Variants in DDR2 observed in about 807,000 individuals in gnomAD.
The protein encoded by DDR2 is discoidin domain receptor tyrosine kinase 2, also known as discoidin domain-containing receptor 2.
A neutral mutation model predicts 94.9 loss-of-function variants in DDR2; 27 were observed. The ratio of observed to expected loss-of-function variants is 0.28; its 90% CI spans 0.21 to 0.39. DDR2 has a LOEUF of 0.39. DDR2 is among the 10% of genes least tolerant of loss of function. The pLI is 1.00. For missense variants in DDR2, 783 were observed against 1,076.0 expected (o/e 0.73, Z 3.81); for synonymous variants, 382 against 377.2 (o/e 1.01, Z -0.15).
At chr1:162,736,562 T>C (rs952879922) in intron 3 of DDR2, among the ~76,000 whole-genome samples, 1 of 152,230 alleles carries the variant, frequency 6.6e-6, no homozygotes, top group Non-Finnish European at 1.5e-5. Context: ...GCTTATCATA[T>C]TGCCTGACAC....
intron 3 of DDR2, among the ~76,000 whole-genome samples, chr1:162,719,873 A>G (rs770614800): frequency 1.3e-5 from 2 of 151,962 alleles, no homozygotes; most frequent in Non-Finnish European, 2.9e-5. Flanking sequence ...CTATTGGCTC[A>G]TCTAGGATGG....
intron 4 of DDR2, among the ~76,000 whole-genome samples, chr1:162,753,699 G>A (rs995966590): frequency 5.3e-5 from 8 of 152,096 alleles, no homozygotes; most frequent in Admixed American, 6.5e-5. Context: ...TACACAGAAG[G>A]GCCATCCTTG....
chr1:162,748,529 G>C (rs1663007093), intron 3 of DDR2, among the ~76,000 whole-genome samples: 2 of 149,174 alleles, frequency 1.3e-5, no homozygotes. Flanking sequence ...GAAACAAAGA[G>C]ACTTAGACTC....
At chr1:162,646,987 T>A (rs1657443550) in intron 1 of DDR2, among the ~76,000 whole-genome samples, 1 of 152,166 alleles carries the variant, frequency 6.6e-6, no homozygotes, top group Non-Finnish European at 1.5e-5. Context: ...ACTAAATGCT[T>A]GTCAAATAAG....
In DDR2 at chr1:162,773,317, A is replaced by G. The variant is rs79578552; in HGVS notation, c.1729-152A>G. 63,568 of 1,026,810 alleles carry G rather than the reference A, an allele frequency of 0.062. 2,125 individuals are homozygous for G. The highest frequency in any genetic ancestry group is 0.08 in the African/African-American group (4,977 of 62,574). 63.6% of individuals were successfully genotyped at this position (1,026,810 alleles called of 1,614,324 possible). ...GTTTTAAATCTTATCAATTATTTGA[A>G]TCATAGATATGTTACACATATCTTC... On this transcript the variant is annotated intron_variant, in intron 13 of 17. Transcript: ENST00000367921.
intron 16 of DDR2, 79 bp from the exon 17 acceptor site, chr1:162,778,501 G>T: frequency 6.4e-7 from 1 of 1,572,478 alleles, no homozygotes; most frequent in Non-Finnish European, 8.7e-7. Flanking sequence ...AAGGGGTATA[G>T]CTGCAGATTA....
At position 162,717,010 on chromosome 1, in the gene DDR2, G is replaced by A. The variant is rs566099769; in HGVS notation, c.-27-2027G>A. On this transcript the variant is annotated intron_variant, in intron 2 of 17. Transcript: ENST00000367921. ...CTTGCTTGATTATTAGTGTTACTCA[G>A]AGGGAATTTTTTAAAAATCACTTTG... Among the ~76,000 whole-genome samples the A allele has an allele frequency of 1.6e-4, 24 of 151,876 alleles. No individual in the cohort carries two copies. The South Asian group carries it at 5.0e-3, about 32-fold the overall frequency.
chr1:162,776,433 C>T (rs975348552), intron 16 of DDR2, 63 bp downstream of exon 16: 22 of 1,516,836 alleles, frequency 1.5e-5, no homozygotes, highest in Middle Eastern at 1.7e-4. Flanking sequence ...ATGCATGACA[C>T]GTGGAGACAA....
In DDR2 at chr1:162,746,330, C is replaced by A. The variant is rs189481433; in HGVS notation, c.83-6765C>A. ...CACACCAGGAGATTATATCCTGCGC[C>A]TGGCTTGGAGGGTCCCACGCCCACG... On this transcript the variant is annotated intron_variant, in intron 3 of 17. Coordinates refer to ENST00000367921, the MANE Select transcript of DDR2 (RefSeq NM_006182.4). Among the ~76,000 whole-genome samples the A allele has an allele frequency of 1.1e-3, 169 of 152,348 alleles. 1 individual carries two copies. The highest frequency in any genetic ancestry group is 3.3e-3 in the African/African-American group (136 of 41,584).
chr1:162,731,944 T>C (rs1440439590), intron 3 of DDR2, among the ~76,000 whole-genome samples: 1 of 152,210 alleles, frequency 6.6e-6, no homozygotes, highest in African/African-American at 2.4e-5. Context: ...GCTACCCAGT[T>C]TCCTCTTCAG....
chr1:162,738,040 C>T (rs1202372495), intron 3 of DDR2, among the ~76,000 whole-genome samples: 1 of 151,522 alleles, frequency 6.6e-6, no homozygotes, highest in Non-Finnish European at 1.5e-5. Context: ...CCTTTGAAAA[C>T]TGGCACAAGA....
intron 9 of DDR2, among the ~76,000 whole-genome samples, chr1:162,764,528 A>G (rs1469089666): frequency 6.6e-6 from 1 of 152,200 alleles, no homozygotes; most frequent in East Asian, 1.9e-4. Flanking sequence ...AGAAAAGTCC[A>G]GGTGTAAAAT....
At chr1:162,753,540 G>A (rs1437453925) in intron 4 of DDR2, among the ~76,000 whole-genome samples, 6 of 152,142 alleles carry the variant, frequency 3.9e-5, no homozygotes, top group African/African-American at 1.4e-4. Flanking sequence ...CCTATGGGAA[G>A]GTGCAGATTA....
chr1:162,681,812 A>G (rs1459473048), intron 2 of DDR2, among the ~76,000 whole-genome samples: 1 of 152,184 alleles, frequency 6.6e-6, no homozygotes, highest in Non-Finnish European at 1.5e-5. Flanking sequence ...AAACATAGGA[A>G]TTTTAAGGGG....
At chr1:162,764,659 T>G (rs1034556913) in intron 9 of DDR2, among the ~76,000 whole-genome samples, 2 of 151,814 alleles carry the variant, frequency 1.3e-5, no homozygotes, top group Non-Finnish European at 2.9e-5. Flanking sequence ...AAATCCTGTC[T>G]CTATAAAAAA....
intron 3 of DDR2, among the ~76,000 whole-genome samples, chr1:162,737,159 A>ATG (rs1662342238): frequency 7.0e-6 from 1 of 143,346 alleles, no homozygotes. Flanking sequence ...TTTTGGAATA[A>ATG]TTTTTTTTTT....
intron 3 of DDR2, among the ~76,000 whole-genome samples, chr1:162,726,627 TG>T (rs1661678937): frequency 1.3e-5 from 2 of 152,160 alleles, no homozygotes; most frequent in Non-Finnish European, 2.9e-5. Flanking sequence ...GTCTAAACTT[TG>T]GGGCCAGGAG....
intron 2 of DDR2, among the ~76,000 whole-genome samples, chr1:162,703,180 T>C (rs1200388792): frequency 6.6e-6 from 1 of 152,226 alleles, no homozygotes; most frequent in African/African-American, 2.4e-5. Flanking sequence ...TGTGCCACGA[T>C]GCCTATACAG....
At chr1:162,721,646 C>A (rs1012849369) in intron 3 of DDR2, among the ~76,000 whole-genome samples, 3 of 152,284 alleles carry the variant, frequency 2.0e-5, no homozygotes, top group South Asian at 4.1e-4. Context: ...TTACTGGTGT[C>A]AACTGAAAGA....
Sources: allele counts gnomAD v4.1 joint callset (sites outside exome capture counted in the v4.1 genomes callset), GRCh38; gene constraint gnomAD v4.1.1; transcripts MANE v1.5; gene names NCBI Gene and HGNC (gene_info 2026-07-23, HGNC 2026-07-21).